The following RBFOX1 variants were observed in gnomAD, a reference collection of about 807,000 sequenced individuals.
The protein encoded by RBFOX1 is RNA binding fox-1 homolog 1, also known as RNA binding protein fox-1 homolog 1.
In RBFOX1, 8 loss-of-function variants were observed where a neutral mutation model predicts 57.7. The ratio of observed to expected loss-of-function variants is 0.14; its 90% CI spans 0.08 to 0.25. The LOEUF (loss-of-function observed/expected upper bound fraction) is 0.25. Ranked by LOEUF, RBFOX1 falls within the 10% of genes least tolerant of loss-of-function variation. RBFOX1 has a pLI of 1.00. For synonymous variants in RBFOX1, 326 were observed against 222.4 expected, an observed-to-expected ratio of 1.47 and a Z score of -4.15; for missense variants, 611 against 548.5, an observed-to-expected ratio of 1.11 and a Z score of -1.14.
intron 4 of RBFOX1, among the ~76,000 whole-genome samples, chr16:7,067,248 G>A (rs550677621): frequency 2.0e-5 from 3 of 152,248 alleles, no homozygotes; most frequent in African/African-American, 7.2e-5. Context: ...TATTAGTTCA[G>A]AGTTGGTACT....
rs1408350114 is a variant in RBFOX1, at chr16:5,888,699, G to C, written c.351+21364G>C. Among the ~76,000 whole-genome samples, 3 of 151,570 alleles carry C rather than the reference G, an allele frequency of 2.0e-5. No homozygotes were observed. The East Asian group carries it at 5.8e-4, about 29-fold the overall frequency. ...AATCCCAGCTACTCAACAAGGCTGAGGCAGGAGAATTGCTTGAATCCGGGA... is the reference window on the plus strand; with the variant it reads ...AATCCCAGCTACTCAACAAGGCTGACGCAGGAGAATTGCTTGAATCCGGGA... On this transcript the variant is annotated intron_variant, in intron 4 of 19. Transcript: ENST00000641259.
At chr16:6,814,852 G>T (rs957704074) in intron 3 of RBFOX1, among the ~76,000 whole-genome samples, 1 of 152,258 alleles carries the variant, frequency 6.6e-6, no homozygotes, top group South Asian at 2.1e-4. Flanking sequence ...TGATCCAGAC[G>T]CCAAGAGAGG....
At chr16:6,308,098 GTTA>G (rs1350049044) in intron 1 of RBFOX1, among the ~76,000 whole-genome samples, 3 of 150,130 alleles carry the variant, frequency 2.0e-5, no homozygotes, top group Non-Finnish European at 3.0e-5. Flanking sequence ...ATTTATTTAG[GTTA>G]TTATTTACAT....
intron 3 of RBFOX1, among the ~76,000 whole-genome samples, chr16:5,813,665 T>C (rs151272082): frequency 6.6e-6 from 1 of 152,242 alleles, no homozygotes; most frequent in Admixed American, 6.5e-5. Context: ...GTATCAGGTA[T>C]GTGATTTGCA....
At chr16:5,786,813 T>C (rs577753756) in intron 3 of RBFOX1, among the ~76,000 whole-genome samples, 1 of 152,138 alleles carries the variant, frequency 6.6e-6, no homozygotes, top group Admixed American at 6.5e-5. Flanking sequence ...CAGAGAGTGA[T>C]GGGAGGGAAG....
At chr16:6,972,433 G>A (rs990777047) in intron 3 of RBFOX1, among the ~76,000 whole-genome samples, 2 of 151,994 alleles carry the variant, frequency 1.3e-5, no homozygotes, top group East Asian at 3.9e-4. Context: ...GTTTTTCAAG[G>A]CTAAGTAATA....
intron 4 of RBFOX1, among the ~76,000 whole-genome samples, chr16:7,127,916 T>G (rs555504857): frequency 4.6e-5 from 7 of 152,310 alleles, no homozygotes; most frequent in African/African-American, 1.7e-4. Context: ...CCTGGTCTTT[T>G]GTTTAGAAGA....
intron 11 of RBFOX1, among the ~76,000 whole-genome samples, chr16:7,650,968 G>A (rs546653707): frequency 6.6e-6 from 1 of 152,090 alleles, no homozygotes; most frequent in Non-Finnish European, 1.5e-5. Context: ...ACGTCTCTGC[G>A]GTTTCAAGCA....
At chr16:7,709,204 G>C in intron 15 of RBFOX1, 73 bp downstream of exon 15, 7 of 1,388,156 alleles carry the variant, frequency 5.0e-6, no homozygotes, top group Admixed American at 2.0e-5. Context: ...ACCTCAGTAC[G>C]GGTTGACGTC....
At chr16:7,307,559 A>C (rs140488888) in intron 4 of RBFOX1, among the ~76,000 whole-genome samples, 23 of 152,336 alleles carry the variant, frequency 1.5e-4, no homozygotes, top group African/African-American at 2.2e-4. Context: ...TTATCTAGAT[A>C]AGTGTTTACT....
At chr16:6,809,430 C>G (rs2087842393) in intron 3 of RBFOX1, among the ~76,000 whole-genome samples, 1 of 152,074 alleles carries the variant, frequency 6.6e-6, no homozygotes, top group Non-Finnish European at 1.5e-5. Context: ...TGTGGATATA[C>G]ACATAGATGT....
At chr16:6,506,686 C>T (rs532307977) in intron 2 of RBFOX1, among the ~76,000 whole-genome samples, 2 of 116,666 alleles carry the variant, frequency 1.7e-5, no homozygotes, top group African/African-American at 3.4e-5. Flanking sequence ...CTCGCTTTGT[C>T]TCCCAGGCTG....
chr16:5,547,771 T>C (rs1045963101), intron 2 of RBFOX1, among the ~76,000 whole-genome samples: 1 of 152,126 alleles, frequency 6.6e-6, no homozygotes, highest in Non-Finnish European at 1.5e-5. Context: ...TGGAGGCCAT[T>C]ATCCTAAGCG....
At chr16:6,884,228 G>A (rs1003944566) in intron 3 of RBFOX1, among the ~76,000 whole-genome samples, 1 of 152,186 alleles carries the variant, frequency 6.6e-6, no homozygotes, top group Non-Finnish European at 1.5e-5. Context: ...ATGCTGCAGA[G>A]GCCAGGGACC....
At chr16:6,082,191 T>C (rs915746408) in intron 1 of RBFOX1, among the ~76,000 whole-genome samples, 3 of 143,698 alleles carry the variant, frequency 2.1e-5, no homozygotes, top group Non-Finnish European at 4.6e-5. Context: ...TTTTTTTTTT[T>C]TTTTTTTGAG....
At chr16:5,552,803 A>G (rs1162648838) in intron 2 of RBFOX1, among the ~76,000 whole-genome samples, 5 of 150,486 alleles carry the variant, frequency 3.3e-5, no homozygotes, top group African/African-American at 1.2e-4. Flanking sequence ...CTAAACAAAC[A>G]TACCCCCAGG....
chr16:7,085,653 G>A (rs2059878284), intron 4 of RBFOX1, among the ~76,000 whole-genome samples: 1 of 152,116 alleles, frequency 6.6e-6, no homozygotes, highest in South Asian at 2.1e-4. Context: ...CTATCAGAAA[G>A]GGCACATTTT....
chr16:7,272,663 A>G (rs1487712837), intron 4 of RBFOX1, among the ~76,000 whole-genome samples: 2 of 116,464 alleles, frequency 1.7e-5, no homozygotes, highest in African/African-American at 9.8e-5. Flanking sequence ...CTTATATCTG[A>G]GAAGGGGGAG....
intron 3 of RBFOX1, among the ~76,000 whole-genome samples, chr16:5,802,500 C>A (rs2055091311): frequency 6.6e-6 from 1 of 152,266 alleles, no homozygotes; most frequent in African/African-American, 2.4e-5. Context: ...TTCCCTCATC[C>A]CATCCTCTGC....
Sources: gnomAD v4.1 joint callset for allele counts (sites outside exome capture counted in the v4.1 genomes callset) on GRCh38, gnomAD v4.1.1 for gene constraint, MANE v1.5 for transcripts, NCBI Gene and HGNC (gene_info 2026-07-23, HGNC 2026-07-21) for gene names.